Variants in CDH2 observed in about 807,000 individuals in gnomAD.
The protein encoded by CDH2 is cadherin 2, also known as cadherin-2.
Under a neutral mutation model 92.0 loss-of-function variants are expected in CDH2, and 17 were observed. That is an observed-to-expected ratio of 0.18 (90% CI 0.13 to 0.28). CDH2 has a LOEUF of 0.28. Ranked by LOEUF, CDH2 falls within the 10% of genes least tolerant of loss-of-function variation. The probability of loss-of-function intolerance (pLI) is 1.00; values close to 1 mark genes in which losing one functional copy is unlikely to be tolerated. For missense variants in CDH2, 862 were observed against 1,133.1 expected (o/e 0.76, Z 3.44); for synonymous variants, 419 against 415.9 (o/e 1.01, Z -0.09).
At chr18:28,137,121 C>T (rs1233086103) in intron 2 of CDH2, among the ~76,000 whole-genome samples, 1 of 152,158 alleles carries the variant, frequency 6.6e-6, no homozygotes, top group Non-Finnish European at 1.5e-5. Flanking sequence ...CAATTAAAAT[C>T]TGATGAGTCC....
intron 11 of CDH2, among the ~76,000 whole-genome samples, chr18:27,987,725 G>GTCA (rs1432728879): frequency 1.3e-5 from 2 of 152,172 alleles, no homozygotes; most frequent in Non-Finnish European, 2.9e-5. Flanking sequence ...ATATGTAGAA[G>GTCA]TCATTACATT....
At chr18:27,976,869 A>G (rs942126031) in intron 14 of CDH2, among the ~76,000 whole-genome samples, 1 of 152,214 alleles carries the variant, frequency 6.6e-6, no homozygotes, top group Admixed American at 6.5e-5. Flanking sequence ...GCAGAAGGCT[A>G]ACAGTTTCTC....
chr18:27,968,292 T>C (rs1252516947), intron 14 of CDH2, among the ~76,000 whole-genome samples: 1 of 152,108 alleles, frequency 6.6e-6, no homozygotes, highest in Admixed American at 6.6e-5. Flanking sequence ...CGTCAAAAGA[T>C]AACACAGAGC....
intron 2 of CDH2, among the ~76,000 whole-genome samples, chr18:28,046,511 T>C (rs931248980): frequency 1.3e-5 from 2 of 152,084 alleles, no homozygotes; most frequent in African/African-American, 4.8e-5. Flanking sequence ...GGAAAGAATA[T>C]AAACAAAAGT....
chr18:27,947,733 CAT>C (rs1909307174), downstream of CDH2, among the ~76,000 whole-genome samples: 2 of 145,012 alleles, frequency 1.4e-5, no homozygotes, highest in South Asian at 2.3e-4. Context: ...GTGATGTAAG[CAT>C]ATGTGATATA....
chr18:27,986,428 A>G (rs2143958398), intron 11 of CDH2, among the ~76,000 whole-genome samples: 1 of 152,256 alleles, frequency 6.6e-6, no homozygotes, highest in East Asian at 1.9e-4. Flanking sequence ...ACACTCTTGT[A>G]AGTGGTGGAG....
At chr18:28,056,162 T>A (rs2014289410) in intron 2 of CDH2, among the ~76,000 whole-genome samples, 1 of 151,954 alleles carries the variant, frequency 6.6e-6, no homozygotes, top group Admixed American at 6.6e-5. Flanking sequence ...AGGCCAATGA[T>A]GAAAAGGATA....
intron 2 of CDH2, among the ~76,000 whole-genome samples, chr18:28,020,230 C>T (rs543429103): frequency 7.2e-5 from 11 of 152,022 alleles, no homozygotes; most frequent in Non-Finnish European, 1.3e-4. Flanking sequence ...TTTACACAAA[C>T]TTAAAAGTTA....
rs753401951 is a variant in CDH2 at position 28,003,067 on chromosome 18, G to A, written c.950C>T (p.Ser317Leu). ...RIVSQAPSTP[S>L]PNMFTINNET... ...ATTGTTGATTGTAAACATGTTGGGT[G>A]AAGGGGTGCTTGGAGCCTGAGACAC... Residue 317 changes from serine to leucine, a missense_variant, in exon 7 of 16, where the codon TCA (serine) becomes TTA (leucine). Physicochemically the swap from Ser to Leu is moderately radical, Grantham distance 145. Transcript: ENST00000269141. The A allele has an allele frequency of 2.5e-6, 4 of 1,613,968 alleles. No individual in the cohort carries two copies. In the Admixed American group the frequency reaches 6.7e-5, roughly 27 times the overall value.
chr18:27,992,243 G>T (rs759153555), intron 9 of CDH2, among the ~76,000 whole-genome samples: 2 of 152,030 alleles, frequency 1.3e-5, no homozygotes, highest in African/African-American at 4.8e-5. Context: ...GCTATCAATG[G>T]TGATCAAAAT....
intron 2 of CDH2, among the ~76,000 whole-genome samples, chr18:28,017,469 C>G (rs1156725171): frequency 6.6e-6 from 1 of 151,962 alleles, no homozygotes; most frequent in East Asian, 1.9e-4. Context: ...TCTCCCGTTT[C>G]GTTTCTAATT....
chr18:28,169,000 A>C (rs1401164762), intron 1 of CDH2, among the ~76,000 whole-genome samples: 1 of 152,138 alleles, frequency 6.6e-6, no homozygotes, highest in Non-Finnish European at 1.5e-5. Context: ...AGAATGTTTG[A>C]GTTCCAGTTT....
At chr18:27,960,246 C>G (rs1398470049) in intron 15 of CDH2, among the ~76,000 whole-genome samples, 1 of 152,130 alleles carries the variant, frequency 6.6e-6, no homozygotes, top group Non-Finnish European at 1.5e-5. Context: ...GAGGTGAGTT[C>G]TGGGTACCAT....
At chr18:27,969,176 T>A (rs1483329875) in intron 14 of CDH2, among the ~76,000 whole-genome samples, 2 of 152,150 alleles carry the variant, frequency 1.3e-5, no homozygotes, top group Non-Finnish European at 2.9e-5. Flanking sequence ...CAACAAAAAA[T>A]TTGCTAAAAG....
At chr18:28,082,360 A>T (rs1050688305) in intron 2 of CDH2, among the ~76,000 whole-genome samples, 2 of 152,144 alleles carry the variant, frequency 1.3e-5, no homozygotes, top group Admixed American at 6.5e-5. Flanking sequence ...GCAGTGAGCT[A>T]TGATCACACA....
Position 28,177,111 on chromosome 18 carries a change from C to G in CDH2, c.-89G>C. 1 of 991,362 alleles carries G rather than the reference C, an allele frequency of 1.0e-6. No individual in the cohort carries two copies. 61.4% of individuals were successfully genotyped at this position (991,362 alleles called of 1,614,324 possible). On this transcript the variant is annotated 5_prime_UTR_variant, in exon 1 of 16. Coordinates refer to ENST00000269141, the MANE Select transcript of CDH2 (RefSeq NM_001792.5). ...GAGGAGGAGGCAGCGGCAGCACCAA[C>G]AGCGGCGCGGAGAAACGGCTCCAGG...
At chr18:27,952,852 T>C (rs1909532314) in intron 15 of CDH2, among the ~76,000 whole-genome samples, 1 of 152,092 alleles carries the variant, frequency 6.6e-6, no homozygotes, top group Non-Finnish European at 1.5e-5. Flanking sequence ...AAATGACAAG[T>C]GACAAAACTA....
At chr18:28,133,766 A>G (rs904010465) in intron 2 of CDH2, among the ~76,000 whole-genome samples, 4 of 152,056 alleles carry the variant, frequency 2.6e-5, no homozygotes, top group Non-Finnish European at 5.9e-5. Flanking sequence ...ATATTTTTAT[A>G]TCTGTATTTG....
intron 2 of CDH2, among the ~76,000 whole-genome samples, chr18:28,055,826 T>TTTTTCTATA (rs1407874799): frequency 6.6e-6 from 1 of 152,138 alleles, no homozygotes; most frequent in African/African-American, 2.4e-5. Flanking sequence ...TGAAAAAATA[T>TTTTTCTATA]TTTTCTATGG....
Sources: allele counts gnomAD v4.1 joint callset (sites outside exome capture counted in the v4.1 genomes callset), GRCh38; gene constraint gnomAD v4.1.1; transcripts MANE v1.5; gene names NCBI Gene and HGNC (gene_info 2026-07-23, HGNC 2026-07-21).